Variants in MRPL3 observed in about 807,000 individuals in gnomAD.
MRPL3 encodes large ribosomal subunit protein uL3m.
A neutral mutation model predicts 44.3 loss-of-function variants in MRPL3; 43 were observed. The ratio of observed to expected loss-of-function variants is 0.97; its 90% CI spans 0.76 to 1.25. MRPL3 has a LOEUF of 1.25. Among genes scored for constraint, MRPL3 ranks in the 50% most tolerant of loss-of-function variants. MRPL3 has a pLI of 0.00. For missense variants in MRPL3, 406 were observed against 427.6 expected (o/e 0.95, Z 0.45); for synonymous variants, 171 against 152.3 (o/e 1.12, Z -0.91).
intron 8 of MRPL3, among the ~76,000 whole-genome samples, chr3:131,468,816 T>G (rs549637553): frequency 1.3e-5 from 2 of 152,164 alleles, no homozygotes; most frequent in Admixed American, 1.3e-4. Context: ...AAAAAAAATC[T>G]TAGGTTTAAT....
intron 6 of MRPL3, 110 bp from the exon 7 acceptor site, chr3:131,471,389 C>T: frequency 2.7e-6 from 2 of 735,396 alleles, no homozygotes; most frequent in East Asian, 2.5e-5. Context: ...TTTAACAAAG[C>T]TTCTTATTTA....
intron 5 of MRPL3, among the ~76,000 whole-genome samples, chr3:131,489,278 T>C (rs938832168): frequency 3.3e-5 from 5 of 152,132 alleles, no homozygotes; most frequent in Non-Finnish European, 7.4e-5. Context: ...AATCTTAACT[T>C]CAAAGAATAC....
chr3:131,473,386 A>C (rs1933782979), intron 6 of MRPL3, among the ~76,000 whole-genome samples: 2 of 152,086 alleles, frequency 1.3e-5, no homozygotes, highest in South Asian at 4.1e-4. Flanking sequence ...CTCTCTCACC[A>C]TATGCAAAAA....
At chr3:131,483,812 T>TA (rs1198997737) in intron 6 of MRPL3, among the ~76,000 whole-genome samples, 2 of 152,156 alleles carry the variant, frequency 1.3e-5, no homozygotes, top group Non-Finnish European at 2.9e-5. Flanking sequence ...TTTGTTCCTA[T>TA]AAAAAATTTT....
intron 9 of MRPL3, 83 bp from the exon 10 acceptor site, chr3:131,462,958 T>C: frequency 8.9e-7 from 1 of 1,122,570 alleles, no homozygotes; most frequent in East Asian, 2.4e-5. Context: ...ATCAAAGAAA[T>C]ACTCGCTACT....
intron 4 of MRPL3, among the ~76,000 whole-genome samples, chr3:131,493,966 T>G (rs9289389): frequency 0.31 from 47,653 of 152,164 alleles, 9,301 homozygotes; most frequent in Non-Finnish European, 0.44. Flanking sequence ...CTTAGCAAAC[T>G]TTAGTTACTT....
chr3:131,495,358 G>A lies in MRPL3; in HGVS notation c.468+2821C>T, dbSNP rs190363524. ...CTTCATTTTCACATTTCATTTTGAA[G>A]AAAGGTCATTTTATAGACAAAGCTT... is the stretch of plus-strand genomic sequence containing the variant. On this transcript the variant is annotated intron_variant, in intron 4 of 9. Coordinates refer to ENST00000264995, the MANE Select transcript of MRPL3 (RefSeq NM_007208.4). Among the ~76,000 whole-genome samples, 25 of 152,200 alleles carry A rather than the reference G, an allele frequency of 1.6e-4. 1 individual carries two copies. The highest frequency in any genetic ancestry group is 1.6e-3 in the Admixed American group (24 of 15,294).
intron 9 of MRPL3, among the ~76,000 whole-genome samples, chr3:131,466,991 C>T (rs541648888): frequency 2.6e-5 from 4 of 152,090 alleles, no homozygotes; most frequent in Admixed American, 6.6e-5. Context: ...CAGCTCTCCT[C>T]CCCACTATTT....
intron 6 of MRPL3, among the ~76,000 whole-genome samples, chr3:131,486,364 C>CAAAAAAAAAAAA (rs36151946): frequency 8.6e-5 from 4 of 46,692 alleles, no homozygotes; most frequent in Non-Finnish European, 1.0e-4. Context: ...TTCTGCACGG[C>CAAAAAAAAAAAA]AAAAAAAAAA....
chr3:131,501,055 G>A (rs1339080232), intron 2 of MRPL3, among the ~76,000 whole-genome samples: 1 of 152,142 alleles, frequency 6.6e-6, no homozygotes, highest in African/African-American at 2.4e-5. Context: ...ACCCTAACCA[G>A]GGACCACACA....
At chr3:131,472,897 A>G (rs1365380838) in intron 6 of MRPL3, among the ~76,000 whole-genome samples, 6 of 152,180 alleles carry the variant, frequency 3.9e-5, no homozygotes, top group African/African-American at 7.2e-5. Context: ...ATGATAAAAC[A>G]TTGATGAAAG....
At chr3:131,487,823 G>A (rs1405316250) in intron 5 of MRPL3, 83 bp from the exon 6 acceptor site, 4 of 1,078,176 alleles carry the variant, frequency 3.7e-6, no homozygotes, top group Non-Finnish European at 5.5e-6. Flanking sequence ...TATCCAGGAA[G>A]GCTTCTAGCT....
intron 4 of MRPL3, 48 bp from the exon 5 acceptor site, chr3:131,490,128 G>T: frequency 1.6e-6 from 2 of 1,288,208 alleles, no homozygotes; most frequent in South Asian, 1.2e-5. Flanking sequence ...TATTAAAAGT[G>T]GAATTAAATG....
intron 4 of MRPL3, among the ~76,000 whole-genome samples, chr3:131,496,011 T>A (rs1164123959): frequency 6.6e-6 from 1 of 152,188 alleles, no homozygotes; most frequent in Non-Finnish European, 1.5e-5. Context: ...TCTCACTACC[T>A]CATATTTCAG....
chr3:131,497,223 G>A (rs1181983913), intron 4 of MRPL3, among the ~76,000 whole-genome samples: 6 of 152,222 alleles, frequency 3.9e-5, no homozygotes, highest in Non-Finnish European at 8.8e-5. Context: ...GGTGTCTGTC[G>A]CTCTACCTTT....
At position 131,468,112 on chromosome 3, in the gene MRPL3, T is replaced by C. The variant is rs1321141882; in HGVS notation, c.873A>G (p.Gly291=). The C allele has an allele frequency of 1.3e-6, 2 of 1,586,130 alleles. No homozygotes were observed. The highest frequency in any genetic ancestry group is 2.7e-5 in the African/African-American group (2 of 73,192). The change falls in exon 9 of 10, where the codon GGA becomes GGG. Residue 291 remains glycine (G), a synonymous_variant. Coordinates refer to ENST00000264995, the MANE Select transcript of MRPL3 (RefSeq NM_007208.4). ...NIIYVNGSVP[G]HKNCLVKVKD... is the part of the protein sequence containing the mutation. ...TTACCTTTACTAAGCAATTTTTATG[T>C]CCAGGTACAGAGCCATTTACATAGA...
intron 4 of MRPL3, among the ~76,000 whole-genome samples, chr3:131,495,333 C>A (rs896820052): frequency 6.6e-6 from 1 of 152,064 alleles, no homozygotes; most frequent in African/African-American, 2.4e-5. Flanking sequence ...AATTCTAAAA[C>A]TTCATTTTCA....
chr3:131,479,404 G>C (rs1933926401), intron 6 of MRPL3, among the ~76,000 whole-genome samples: 1 of 152,078 alleles, frequency 6.6e-6, no homozygotes, highest in Admixed American at 6.5e-5. Flanking sequence ...AATAGAAGTG[G>C]GGGTGGGAAG....
intron 7 of MRPL3, among the ~76,000 whole-genome samples, chr3:131,470,521 G>A (rs2110696118): frequency 6.6e-6 from 1 of 152,126 alleles, no homozygotes; most frequent in East Asian, 1.9e-4. Context: ...AGGCTTAAAA[G>A]ACAATTCTGA....
Sources: allele counts gnomAD v4.1 joint callset (sites outside exome capture counted in the v4.1 genomes callset), GRCh38; gene constraint gnomAD v4.1.1; transcripts MANE v1.5; gene names NCBI Gene and HGNC (gene_info 2026-07-23, HGNC 2026-07-21).